DCC: variants seen among roughly 807,000 people sequenced by gnomAD.
DCC encodes DCC netrin 1 receptor, also known as netrin receptor DCC.
DCC carries 58 observed loss-of-function variants against 172.5 expected under a neutral mutation model. The ratio of observed to expected loss-of-function variants is 0.34; its 90% CI spans 0.27 to 0.42. The LOEUF (loss-of-function observed/expected upper bound fraction) is 0.42, where lower values mean the gene tolerates loss of function less well. Among genes scored for constraint, DCC ranks in the 10% least tolerant of loss-of-function variants. The pLI is 1.00. For synonymous variants in DCC, 709 were observed against 644.5 expected (o/e 1.10, Z -1.52); for missense variants, 1,740 against 1,791.0 (o/e 0.97, Z 0.51).
chr18:52,640,767 A>G (rs899991519), intron 1 of DCC, among the ~76,000 whole-genome samples: 3 of 152,190 alleles, frequency 2.0e-5, no homozygotes, highest in Non-Finnish European at 4.4e-5. Context: ...TAGAATCAAT[A>G]TTATGAAAAA....
At chr18:53,413,797 C>T (rs964714265) in intron 20 of DCC, among the ~76,000 whole-genome samples, 7 of 152,116 alleles carry the variant, frequency 4.6e-5, no homozygotes, top group African/African-American at 1.7e-4. Flanking sequence ...AAATGTGTCC[C>T]AGTCTGGCTG....
At chr18:52,582,061 C>T (rs917862436) in intron 1 of DCC, among the ~76,000 whole-genome samples, 5 of 141,614 alleles carry the variant, frequency 3.5e-5, no homozygotes, top group Non-Finnish European at 6.3e-5. Context: ...TGTAAATCAT[C>T]TGCTAGACAA....
intron 10 of DCC, among the ~76,000 whole-genome samples, chr18:53,206,347 GTATATATACATATA>G (rs2055636842): frequency 3.7e-5 from 1 of 26,918 alleles, no homozygotes; most frequent in Non-Finnish European, 7.0e-5. Context: ...ATGTATATAT[GTATATATACATATA>G]TGTATTGTAA....
At chr18:53,180,873 A>G (rs1437572704) in intron 9 of DCC, among the ~76,000 whole-genome samples, 2 of 152,122 alleles carry the variant, frequency 1.3e-5, no homozygotes, top group African/African-American at 2.4e-5. Context: ...TCGGCCTCCC[A>G]ATGTGCTAGG....
At chr18:52,725,563 G>T (rs7234408) in intron 1 of DCC, among the ~76,000 whole-genome samples, 51,582 of 152,136 alleles carry the variant, frequency 0.34, 9,022 homozygotes, top group African/African-American at 0.41. Flanking sequence ...AGCTGAAGTT[G>T]TTACTACGTA....
At chr18:53,096,595 A>C (rs1181026306) in intron 7 of DCC, among the ~76,000 whole-genome samples, 1 of 152,154 alleles carries the variant, frequency 6.6e-6, no homozygotes. Flanking sequence ...AAGAAAAATA[A>C]GGCAATTAAA....
At position 52,752,113 on chromosome 18, in the gene DCC, A is replaced by C. The variant is rs190581937; in HGVS notation, c.151A>C (p.Thr51Pro). 2 of 1,614,056 alleles carry C rather than the reference A, an allele frequency of 1.2e-6. No individual in the cohort carries two copies. The highest frequency in any genetic ancestry group is 2.7e-5 in the African/African-American group (2 of 74,924). ...CCTCTCAGAACCTTCTGATGCCGTC[A>C]CAATGCGGGGAGGAAATGTCCTCCT... ...RFLSEPSDAV[T>P]MRGGNVLLDC... Residue 51 changes from threonine (T) to proline (P), a missense_variant, in exon 2 of 29, where the codon ACA becomes CCA. Physicochemically the swap from Thr to Pro is conservative, Grantham distance 38. This residue lies in a region of DCC where 1,732 missense variants were observed against 1,767.4 expected (regional missense o/e 0.98). Transcript: ENST00000442544.
chr18:52,424,997 C>G (rs1987376743), intron 1 of DCC, among the ~76,000 whole-genome samples: 2 of 151,862 alleles, frequency 1.3e-5, no homozygotes, highest in African/African-American at 4.8e-5. Flanking sequence ...AGATGGCATA[C>G]TGGTCAAATC....
intron 7 of DCC, among the ~76,000 whole-genome samples, chr18:53,118,931 A>T (rs529422291): frequency 1.3e-5 from 2 of 151,890 alleles, no homozygotes; most frequent in East Asian, 3.9e-4. Context: ...TATCAGGTGA[A>T]ATTCAACTTA....
At chr18:53,340,704 T>C (rs989570903) in intron 15 of DCC, among the ~76,000 whole-genome samples, 5 of 152,080 alleles carry the variant, frequency 3.3e-5, no homozygotes, top group African/African-American at 4.8e-5. Flanking sequence ...ATAAAGTAAA[T>C]ATAATATATC....
chr18:52,869,631 G>A (rs577460335), intron 2 of DCC, among the ~76,000 whole-genome samples: 3 of 152,332 alleles, frequency 2.0e-5, no homozygotes, highest in East Asian at 1.9e-4. Flanking sequence ...TGCTCATGCC[G>A]AGGGGCACCA....
chr18:52,697,484 G>A (rs892212928), intron 1 of DCC, among the ~76,000 whole-genome samples: 2 of 152,106 alleles, frequency 1.3e-5, no homozygotes, highest in Non-Finnish European at 2.9e-5. Flanking sequence ...TCTCCTATGT[G>A]AGAACATCAT....
chr18:53,094,755 A>C (rs976126145), intron 7 of DCC, among the ~76,000 whole-genome samples: 1 of 152,192 alleles, frequency 6.6e-6, no homozygotes, highest in Admixed American at 6.5e-5. Context: ...ATGATTTATT[A>C]GTTTTGCCTT....
At chr18:53,369,311 T>C (rs895505054) in intron 15 of DCC, among the ~76,000 whole-genome samples, 1 of 151,970 alleles carries the variant, frequency 6.6e-6, no homozygotes, top group African/African-American at 2.4e-5. Context: ...TAAAAGGTGT[T>C]TTGGTTTTTT....
intron 9 of DCC, among the ~76,000 whole-genome samples, chr18:53,202,691 A>G (rs541290361): frequency 6.0e-4 from 92 of 152,186 alleles, no homozygotes; most frequent in African/African-American, 2.0e-3. Context: ...GGGACCTTCA[A>G]ATTCTGCTTG....
chr18:53,056,659 T>C (rs2042408365), intron 5 of DCC, among the ~76,000 whole-genome samples: 1 of 152,116 alleles, frequency 6.6e-6, no homozygotes, highest in African/African-American at 2.4e-5. Context: ...ATGGCCTTAT[T>C]ATGTCCAGTA....
At chr18:52,828,747 T>A (rs1161695239) in intron 2 of DCC, among the ~76,000 whole-genome samples, 1 of 152,198 alleles carries the variant, frequency 6.6e-6, no homozygotes, top group Non-Finnish European at 1.5e-5. Flanking sequence ...ACCTTGGCAA[T>A]GACATCTTTT....
At chr18:53,370,176 T>C (rs1321435217) in intron 15 of DCC, among the ~76,000 whole-genome samples, 1 of 151,798 alleles carries the variant, frequency 6.6e-6, no homozygotes, top group African/African-American at 2.4e-5. Flanking sequence ...GATTTAGTCT[T>C]GGTTGGTAGT....
chr18:53,442,886 A>C (rs910714338), intron 22 of DCC, among the ~76,000 whole-genome samples: 8 of 152,248 alleles, frequency 5.3e-5, no homozygotes, highest in Non-Finnish European at 4.4e-5. Context: ...AGCTTTATCC[A>C]GAGCAAGGCC....
Sources: allele counts gnomAD v4.1 joint callset (sites outside exome capture counted in the v4.1 genomes callset), GRCh38; gene constraint gnomAD v4.1.1; regional missense constraint gnomAD v4.1.1; transcripts MANE v1.5; gene names NCBI Gene and HGNC (gene_info 2026-07-23, HGNC 2026-07-21).